KIF6: variants seen among roughly 807,000 people sequenced by gnomAD.
KIF6 encodes kinesin family member 6, also known as kinesin-like protein KIF6.
In KIF6, 106 loss-of-function variants were observed where a neutral mutation model predicts 112.7. The ratio of observed to expected loss-of-function variants is 0.94; its 90% confidence interval spans 0.80 to 1.11. The LOEUF (loss-of-function observed/expected upper bound fraction) is 1.11. KIF6 is among the 50% of genes least tolerant of loss of function. The pLI is 0.00. For synonymous variants in KIF6, 339 were observed against 339.9 expected (o/e 1.00, Z 0.03); for missense variants, 929 against 964.0 (o/e 0.96, Z 0.48).
chr6:39,556,206 T>C (rs1779702429), intron 10 of KIF6, among the ~76,000 whole-genome samples: 1 of 152,182 alleles, frequency 6.6e-6, no homozygotes, highest in South Asian at 2.1e-4. Context: ...CAAACACTGT[T>C]GATTGTGTTT....
At chr6:39,649,720 TTAAAGAAAGAAA>T (rs1183162426) in intron 3 of KIF6, among the ~76,000 whole-genome samples, 19 of 120,544 alleles carry the variant, frequency 1.6e-4, no homozygotes, top group African/African-American at 4.3e-4. Context: ...AACACTCTGA[TTAAAGAAAGAAA>T]GAAAGAAAGA....
intron 2 of KIF6, 54 bp from the exon 3 acceptor site, chr6:39,714,820 G>T: frequency 8.7e-7 from 1 of 1,146,086 alleles, no homozygotes; most frequent in Non-Finnish European, 1.3e-6. Flanking sequence ...AACACTATCA[G>T]ATTAATAAAT....
chr6:39,544,999 C>A (rs1778991395), intron 11 of KIF6, among the ~76,000 whole-genome samples: 2 of 152,156 alleles, frequency 1.3e-5, no homozygotes, highest in African/African-American at 4.8e-5. Flanking sequence ...ATACATCATT[C>A]CACTTAATTT....
At chr6:39,435,400 CT>C (rs1324723018) in intron 13 of KIF6, among the ~76,000 whole-genome samples, 1 of 152,066 alleles carries the variant, frequency 6.6e-6, no homozygotes, top group Non-Finnish European at 1.5e-5. Context: ...ATTTCAATAG[CT>C]TTAGAGGTAC....
chr6:39,486,082 C>A (rs1775094550), intron 13 of KIF6, among the ~76,000 whole-genome samples: 1 of 152,186 alleles, frequency 6.6e-6, no homozygotes, highest in Non-Finnish European at 1.5e-5. Context: ...TGGCTGTGAA[C>A]ACTTTGACAT....
intron 3 of KIF6, among the ~76,000 whole-genome samples, chr6:39,671,936 A>G (rs374727500): frequency 3.2e-4 from 49 of 152,302 alleles, no homozygotes; most frequent in African/African-American, 1.1e-3. Context: ...TTAAATGGTC[A>G]CAGTCTCAGT....
chr6:39,711,403 A>T (rs1212535200), intron 3 of KIF6, among the ~76,000 whole-genome samples: 1 of 152,136 alleles, frequency 6.6e-6, no homozygotes. Context: ...GAGAGGAAAG[A>T]ACTATTAACA....
At chr6:39,548,814 G>C (rs1002879190) in intron 10 of KIF6, among the ~76,000 whole-genome samples, 3 of 152,166 alleles carry the variant, frequency 2.0e-5, no homozygotes, top group Non-Finnish European at 4.4e-5. Context: ...TCTCGCTAAG[G>C]AGGTCAAGTG....
At chr6:39,711,727 C>A (rs1789567432) in intron 3 of KIF6, among the ~76,000 whole-genome samples, 1 of 151,922 alleles carries the variant, frequency 6.6e-6, no homozygotes, top group South Asian at 2.1e-4. Context: ...ATACAAGAAA[C>A]AGTGATAGAC....
At chr6:39,439,470 G>A (rs147573535) in intron 13 of KIF6, among the ~76,000 whole-genome samples, 8 of 152,306 alleles carry the variant, frequency 5.3e-5, no homozygotes, top group African/African-American at 1.9e-4. Flanking sequence ...AGGAATTTCT[G>A]AGTCTCATTC....
chr6:39,721,577 C>T (rs1243717599), intron 1 of KIF6, among the ~76,000 whole-genome samples: 2 of 152,054 alleles, frequency 1.3e-5, no homozygotes. Flanking sequence ...ATAAAGAGGT[C>T]ATGTGGAATA....
At chr6:39,480,248 G>A (rs1166366858) in intron 13 of KIF6, among the ~76,000 whole-genome samples, 4 of 152,020 alleles carry the variant, frequency 2.6e-5, no homozygotes, top group African/African-American at 9.7e-5. Flanking sequence ...TTTTCTAAGG[G>A]TTTTAATCAT....
intron 13 of KIF6, among the ~76,000 whole-genome samples, chr6:39,497,941 C>T (rs1203049514): frequency 2.0e-5 from 3 of 151,990 alleles, no homozygotes; most frequent in Admixed American, 6.6e-5. Context: ...TTTAAAGAAA[C>T]GTTCTGTCCT....
intron 10 of KIF6, among the ~76,000 whole-genome samples, chr6:39,564,943 C>T (rs1491001487): frequency 6.6e-6 from 1 of 152,204 alleles, no homozygotes; most frequent in Non-Finnish European, 1.5e-5. Flanking sequence ...ACTAGGAAAT[C>T]CTACACTGGG....
chr6:39,546,925 A>G (rs924257218), intron 10 of KIF6, among the ~76,000 whole-genome samples: 2 of 151,466 alleles, frequency 1.3e-5, no homozygotes, highest in Non-Finnish European at 2.9e-5. Context: ...GCTCTTATTT[A>G]TCTTTGTTCT....
At chr6:39,612,914 T>G (rs548351218) in intron 6 of KIF6, among the ~76,000 whole-genome samples, 2 of 152,098 alleles carry the variant, frequency 1.3e-5, no homozygotes, top group African/African-American at 4.8e-5. Context: ...AATAAAAACT[T>G]AAAGGTAGAT....
intron 13 of KIF6, among the ~76,000 whole-genome samples, chr6:39,506,370 G>A (rs1489479665): frequency 6.6e-6 from 1 of 152,096 alleles, no homozygotes; most frequent in East Asian, 1.9e-4. Flanking sequence ...GGTTGGGCAC[G>A]AGGGGAGGGA....
intron 3 of KIF6, among the ~76,000 whole-genome samples, chr6:39,644,634 T>C (rs948434748): frequency 2.0e-5 from 3 of 152,118 alleles, no homozygotes; most frequent in African/African-American, 7.2e-5. Context: ...GAAAGTAGGT[T>C]AGTGTTAGAC....
chr6:39,688,929 T>A (rs975748398), intron 3 of KIF6, among the ~76,000 whole-genome samples: 8 of 152,068 alleles, frequency 5.3e-5, no homozygotes, highest in African/African-American at 1.9e-4. Flanking sequence ...ATAGTGAGAC[T>A]CCATCTCTAT....
Sources: allele counts gnomAD v4.1 joint callset (sites outside exome capture counted in the v4.1 genomes callset), GRCh38; gene constraint gnomAD v4.1.1; transcripts MANE v1.5; gene names NCBI Gene and HGNC (gene_info 2026-07-23, HGNC 2026-07-21).